The following MTOR variants were observed in gnomAD, a reference collection of about 807,000 sequenced individuals.
MTOR encodes the protein mechanistic target of rapamycin kinase.
Under a neutral mutation model 319.8 loss-of-function variants are expected in MTOR, and 70 were observed. The ratio of observed to expected loss-of-function variants is 0.22; its 90% CI spans 0.18 to 0.27. The LOEUF is 0.27. MTOR is among the 10% of genes least tolerant of loss of function. The pLI is 1.00. For synonymous variants in MTOR, 1,183 were observed against 1,211.4 expected, an observed-to-expected ratio of 0.98 and a Z score of 0.49; for missense variants, 1,890 against 3,274.4, an observed-to-expected ratio of 0.58 and a Z score of 10.32.
chr1:11,138,029 A>T (rs1202991680), intron 36 of MTOR, among the ~76,000 whole-genome samples: 1 of 152,192 alleles, frequency 6.6e-6, no homozygotes, highest in African/African-American at 2.4e-5. Context: ...CTGATTTTTA[A>T]TTCCACAGAA....
At chr1:11,124,329 C>A (rs1017923519) in intron 47 of MTOR, among the ~76,000 whole-genome samples, 169 bp downstream of exon 47, 3 of 152,184 alleles carry the variant, frequency 2.0e-5, no homozygotes, top group Non-Finnish European at 4.4e-5. Flanking sequence ...CTCAAGCCAT[C>A]CCCCTGCCTC....
chr1:11,114,446 C>T lies in MTOR; in HGVS notation c.7172G>A (p.Gly2391Asp), dbSNP rs2100317119. Residue 2391 changes from glycine to aspartate, a missense_variant, in exon 53 of 58, where the codon GGC (glycine) becomes GAC (aspartate). This residue lies in a region of MTOR where 23 missense variants were observed against 81.7 expected (regional missense o/e 0.28). Coordinates refer to ENST00000361445, the MANE Select transcript of MTOR (RefSeq NM_004958.4). ...RMLTNAMEVT[G>D]LDGNYRITCH... ...TGTGATTCTGTAGTTGCCATCCAGG[C>T]CTGTAACCTAGAAATGGGACAGAGC... 6.2e-7 allele frequency: 1 copy of T among 1,614,164 alleles called. No individual in the cohort carries two copies. The highest frequency in any genetic ancestry group is 8.5e-7 in the Non-Finnish European group (1 of 1,180,024).
intron 39 of MTOR, 73 bp downstream of exon 39, chr1:11,130,456 C>G (rs1401193988): frequency 1.3e-6 from 2 of 1,566,994 alleles, no homozygotes; most frequent in African/African-American, 1.4e-5. Flanking sequence ...TCCTTTTAAG[C>G]TTAACAACGA....
intron 29 of MTOR, among the ~76,000 whole-genome samples, chr1:11,159,557 C>T (rs1174201097): frequency 2.0e-5 from 3 of 151,836 alleles, no homozygotes; most frequent in African/African-American, 4.8e-5. Context: ...AGGAGAATCG[C>T]TTGAACCCAG....
chr1:11,159,479 T>C (rs1644408603), intron 29 of MTOR, among the ~76,000 whole-genome samples: 2 of 152,066 alleles, frequency 1.3e-5, no homozygotes, highest in South Asian at 4.2e-4. Flanking sequence ...CTGTCTCTAA[T>C]AAAAACACAA....
At chr1:11,162,546 T>C (rs1386956965) in intron 29 of MTOR, among the ~76,000 whole-genome samples, 1 of 152,176 alleles carries the variant, frequency 6.6e-6, no homozygotes, top group Non-Finnish European at 1.5e-5. Context: ...AAGGTTGGGT[T>C]ACCCACAAAG....
Position 11,121,862 on chromosome 1 carries a change from C to T in MTOR, c.6810+117G>A. The T allele has an allele frequency of 2.2e-6, 3 of 1,359,514 alleles. 1 individual carries two copies. The South Asian group carries it at 4.4e-5, about 20-fold the overall frequency. 84.2% of individuals were successfully genotyped at this position (1,359,514 alleles called of 1,614,324 possible). On this transcript the variant is annotated intron_variant, in intron 48 of 57. Transcript: ENST00000361445. This position sits in a 1 kb window ranked among gnomAD's most constrained non-coding sequence, Gnocchi z 4.9. ...TCACTTTATTAAACCTTCTTCAAAGCTGATTCTCTCAAAGAGATTTTTCAG... is the reference window on the plus strand; with the variant it reads ...TCACTTTATTAAACCTTCTTCAAAGTTGATTCTCTCAAAGAGATTTTTCAG...
chr1:11,149,392 A>T (rs1644055879), intron 31 of MTOR: 2 of 152,220 alleles, frequency 1.3e-5, no homozygotes, highest in East Asian at 3.9e-4. Context: ...TTGAACAATG[A>T]GCTTCCAGGT....
At chr1:11,192,521 C>G (rs761207106) in intron 28 of MTOR, 1 of 638,374 alleles carries the variant, frequency 1.6e-6, no homozygotes, top group Admixed American at 2.7e-5. Flanking sequence ...TATGGGAGGC[C>G]GAGGCAGGTG....
intron 28 of MTOR, among the ~76,000 whole-genome samples, chr1:11,182,833 G>A (rs1045501096): frequency 6.6e-5 from 10 of 152,160 alleles, no homozygotes; most frequent in African/African-American, 2.4e-4. Flanking sequence ...AGTATTTCAC[G>A]GTGTGAATAT....
intron 5 of MTOR, among the ~76,000 whole-genome samples, chr1:11,254,991 T>C (rs1242026030): frequency 6.6e-6 from 1 of 152,282 alleles, no homozygotes; most frequent in African/African-American, 2.4e-5. Flanking sequence ...CTCAAACTCC[T>C]GAGCTCAAGC....
At chr1:11,143,609 C>T (rs1274597144) in intron 34 of MTOR, among the ~76,000 whole-genome samples, 1 of 152,186 alleles carries the variant, frequency 6.6e-6, no homozygotes, top group African/African-American at 2.4e-5. Flanking sequence ...TTCCTTTGCC[C>T]ATTGCTCTTT....
chr1:11,116,321 G>GT (rs1238328789), intron 50 of MTOR, among the ~76,000 whole-genome samples: 3 of 152,086 alleles, frequency 2.0e-5, no homozygotes, highest in Non-Finnish European at 2.9e-5. Context: ...TAGTATTTTT[G>GT]TTTTTTTCTT....
chr1:11,145,683 T>C (rs899113537), intron 32 of MTOR, among the ~76,000 whole-genome samples: 1 of 152,182 alleles, frequency 6.6e-6, no homozygotes, highest in Non-Finnish European at 1.5e-5. Context: ...TTTGTATTTT[T>C]AGTAGAGATA....
intron 34 of MTOR, among the ~76,000 whole-genome samples, chr1:11,141,052 C>T (rs1156767254): frequency 1.4e-5 from 2 of 146,798 alleles, no homozygotes; most frequent in African/African-American, 5.0e-5. Flanking sequence ...TTCTTCATTT[C>T]TACTAGTCTC....
chr1:11,184,887 G>A lies in MTOR; in HGVS notation c.4253+14371C>T, dbSNP rs373377266. On this transcript the variant is annotated intron_variant, in intron 28 of 57. Transcript: ENST00000361445. ...GTCCCGCTCCTCACCTGGGCTCCCC[G>A]GGCACGGCCCCCCTCCACCTCTCCA... is the stretch of plus-strand genomic sequence containing the variant. Among the ~76,000 whole-genome samples, 26 of 152,254 alleles carry A rather than the reference G, an allele frequency of 1.7e-4. 1 individual carries two copies. In the East Asian group the frequency reaches 1.7e-3, roughly 10 times the overall value.
At chr1:11,233,573 A>C (rs1647095016) in intron 14 of MTOR, 86 bp from the exon 15 acceptor site, 22 of 1,004,172 alleles carry the variant, frequency 2.2e-5, no homozygotes, top group Non-Finnish European at 3.4e-5. Flanking sequence ...CACCCAAGAG[A>C]CCATCTCAGT....
rs966010624 is a variant in MTOR, at chr1:11,128,433, C to T, written c.5910+21G>A. 12 of 1,609,830 alleles carry T rather than the reference C, an allele frequency of 7.5e-6. No individual in the cohort carries two copies. Among genetic ancestry groups the T allele is most frequent in the Non-Finnish European group, 1.0e-5 (12 of 1,176,352 alleles). ...ACCAAACCAGTGGTTAGATGAGAAA[C>T]TGCCCAGAGTCTCCACATACCTGGG... On this transcript the variant is annotated intron_variant, in intron 42 of 57. Transcript: ENST00000361445. This position sits in a 1 kb window ranked among gnomAD's most constrained non-coding sequence, Gnocchi z 5.3.
chr1:11,203,113 T>C (rs190927775), intron 26 of MTOR, among the ~76,000 whole-genome samples: 1 of 152,182 alleles, frequency 6.6e-6, no homozygotes, highest in Non-Finnish European at 1.5e-5. Context: ...CTCGGGAGGC[T>C]GAGGCAGGAG....
Sources: gnomAD v4.1 joint callset for allele counts (sites outside exome capture counted in the v4.1 genomes callset) on GRCh38, gnomAD v4.1.1 for gene constraint, gnomAD v4.1.1 regional missense constraint, Gnocchi (gnomAD v3.1) non-coding constraint, MANE v1.5 for transcripts, NCBI Gene and HGNC (gene_info 2026-07-23, HGNC 2026-07-21) for gene names.